CHST11: variants seen among roughly 807,000 people sequenced by gnomAD.
CHST11 encodes C4S-1.
In CHST11, 9 loss-of-function variants were observed where a neutral mutation model predicts 30.4. The ratio of observed to expected loss-of-function variants is 0.30; its 90% CI spans 0.18 to 0.52. The LOEUF is 0.52. Ranked by LOEUF, CHST11 falls within the 20% of genes least tolerant of loss-of-function variation. The pLI is 0.97. For synonymous variants in CHST11, 152 were observed against 187.8 expected, an observed-to-expected ratio of 0.81 and a Z score of 1.56; for missense variants, 348 against 460.6, an observed-to-expected ratio of 0.76 and a Z score of 2.24.
chr12:104,644,987 G>A (rs903006430), intron 2 of CHST11, among the ~76,000 whole-genome samples: 1 of 152,188 alleles, frequency 6.6e-6, no homozygotes, highest in African/African-American at 2.4e-5. Flanking sequence ...GTCTTGCACT[G>A]TCATCCAGGC....
At chr12:104,681,868 T>C (rs2039799573) in intron 2 of CHST11, among the ~76,000 whole-genome samples, 1 of 140,914 alleles carries the variant, frequency 7.1e-6, no homozygotes, top group Non-Finnish European at 1.5e-5. Flanking sequence ...TCTCGCTCTG[T>C]CGCCCAGGCT....
chr12:104,709,059 A>G (rs893887110), intron 2 of CHST11, among the ~76,000 whole-genome samples: 4 of 152,212 alleles, frequency 2.6e-5, no homozygotes, highest in Non-Finnish European at 4.4e-5. Context: ...GGAGGAGCAA[A>G]GCACCAAGAC....
chr12:104,488,313 G>A (rs1010631305), intron 1 of CHST11, among the ~76,000 whole-genome samples: 1 of 152,064 alleles, frequency 6.6e-6, no homozygotes. Context: ...AAGCCCCTTG[G>A]GGAGCCTGAG....
chr12:104,463,183 G>A (rs776074811), intron 1 of CHST11, among the ~76,000 whole-genome samples: 9 of 152,198 alleles, frequency 5.9e-5, no homozygotes, highest in Non-Finnish European at 8.8e-5. Context: ...TCTTTAGTCT[G>A]GAGGTCAAGT....
At chr12:104,497,649 T>C (rs1288911172) in intron 1 of CHST11, among the ~76,000 whole-genome samples, 1 of 152,100 alleles carries the variant, frequency 6.6e-6, no homozygotes, top group Non-Finnish European at 1.5e-5. Flanking sequence ...TTTTCTGGGG[T>C]TTTCCATGAG....
intron 2 of CHST11, among the ~76,000 whole-genome samples, chr12:104,706,857 T>C (rs2040040129): frequency 6.6e-6 from 1 of 152,172 alleles, no homozygotes; most frequent in Non-Finnish European, 1.5e-5. Context: ...CATTTTAATA[T>C]GGAGAACTTG....
At chr12:104,483,638 C>A (rs1388528161) in intron 1 of CHST11, among the ~76,000 whole-genome samples, 1 of 152,218 alleles carries the variant, frequency 6.6e-6, no homozygotes, top group Non-Finnish European at 1.5e-5. Context: ...CCCAATGTTA[C>A]CTGCATCTCT....
intron 2 of CHST11, among the ~76,000 whole-genome samples, chr12:104,625,749 T>C (rs951325624): frequency 6.6e-6 from 1 of 152,256 alleles, no homozygotes; most frequent in African/African-American, 2.4e-5. Flanking sequence ...TGTGAACCTG[T>C]GATTTTGTGT....
At chr12:104,617,073 G>A (rs2039114955) in intron 2 of CHST11, among the ~76,000 whole-genome samples, 3 of 152,162 alleles carry the variant, frequency 2.0e-5, no homozygotes, top group Non-Finnish European at 2.9e-5. Context: ...GCAGCCTCTC[G>A]GTCTCTCTGG....
At chr12:104,704,276 C>T (rs770760943) in intron 2 of CHST11, among the ~76,000 whole-genome samples, 2 of 152,198 alleles carry the variant, frequency 1.3e-5, no homozygotes, top group Non-Finnish European at 1.5e-5. Context: ...CTTCTGGCTC[C>T]GTGCTCAGGG....
At chr12:104,522,829 A>G (rs970879487) in intron 1 of CHST11, among the ~76,000 whole-genome samples, 9 of 152,116 alleles carry the variant, frequency 5.9e-5, no homozygotes, top group African/African-American at 1.9e-4. Context: ...TTGAATCCTC[A>G]GCCACATTTG....
chr12:104,657,520 GA>G lies in CHST11; in HGVS notation c.204+55539del, dbSNP rs142635538. ...AGCACTTCTTTCTTCCCTGGCAGAT[GA>G]AAAAAAAAACCCTCGAGATCATTTG... On this transcript the variant is annotated intron_variant, in intron 2 of 2. Coordinates refer to ENST00000303694, the MANE Select transcript of CHST11 (RefSeq NM_018413.6). Among the ~76,000 whole-genome samples, 66 of 147,962 alleles carry G rather than the reference GA, an allele frequency of 4.5e-4. 3 individuals are homozygous for G. The highest frequency in any genetic ancestry group is 9.4e-4 in the Admixed American group (14 of 14,828).
chr12:104,664,425 G>T (rs1356050908), intron 2 of CHST11, among the ~76,000 whole-genome samples: 1 of 152,192 alleles, frequency 6.6e-6, no homozygotes, highest in East Asian at 1.9e-4. Flanking sequence ...CTCTTGGTGT[G>T]TTCTAGAGAA....
intron 2 of CHST11, among the ~76,000 whole-genome samples, chr12:104,619,462 AT>A (rs2039139528): frequency 1.3e-5 from 2 of 151,910 alleles, no homozygotes; most frequent in South Asian, 4.2e-4. Context: ...ACCATGTGTA[AT>A]TTTCTTATCA....
intron 2 of CHST11, among the ~76,000 whole-genome samples, chr12:104,724,660 G>T (rs1195485359): frequency 6.6e-6 from 1 of 152,080 alleles, no homozygotes; most frequent in Non-Finnish European, 1.5e-5. Context: ...TTTCTGGGCC[G>T]CTCCTTGCCC....
At chr12:104,716,068 T>G (rs1324282857) in intron 2 of CHST11, among the ~76,000 whole-genome samples, 2 of 152,108 alleles carry the variant, frequency 1.3e-5, no homozygotes, top group African/African-American at 4.8e-5. Flanking sequence ...AAGGTATAGC[T>G]CAAGCCCCTA....
Position 104,757,449 on chromosome 12 carries a change from C to T in CHST11, c.705C>T (p.Val235=). 1 of 1,614,100 alleles carries T rather than the reference C, an allele frequency of 6.2e-7. No homozygotes were observed. Among genetic ancestry groups the T allele is most frequent in the Non-Finnish European group, 8.5e-7 (1 of 1,180,028 alleles). The change falls in exon 3 of 3, where the codon GTC becomes GTT. Residue 235 remains valine (V), a synonymous_variant. Coordinates refer to ENST00000303694, the MANE Select transcript of CHST11 (RefSeq NM_018413.6). The surrounding 1 kb of genome is among the most constrained non-coding windows in gnomAD (Gnocchi z 6.5). ...AGGCCCTGCGCAAAGGGGACGATGT[C>T]AAATTCGAGGAGTTTGTGGCCTATC... ...TQEALRKGDD[V]KFEEFVAYLI...
intron 2 of CHST11, among the ~76,000 whole-genome samples, chr12:104,674,236 G>A (rs564562225): frequency 6.6e-6 from 1 of 152,120 alleles, no homozygotes; most frequent in South Asian, 2.1e-4. Context: ...ACTCTTAGCT[G>A]TTCATTAAAA....
At chr12:104,671,027 G>A (rs1482534165) in intron 2 of CHST11, among the ~76,000 whole-genome samples, 2 of 152,254 alleles carry the variant, frequency 1.3e-5, no homozygotes, top group Non-Finnish European at 1.5e-5. Flanking sequence ...TTGGGCAGGT[G>A]AGAAGCCCTA....
Sources: gnomAD v4.1 joint callset for allele counts (sites outside exome capture counted in the v4.1 genomes callset) on GRCh38, gnomAD v4.1.1 for gene constraint, Gnocchi (gnomAD v3.1) non-coding constraint, MANE v1.5 for transcripts, NCBI Gene and HGNC (gene_info 2026-07-23, HGNC 2026-07-21) for gene names.